The following DMXL2 variants were observed in gnomAD, a reference collection of about 807,000 sequenced individuals.
DMXL2 encodes the protein dmX-like protein 2.
In DMXL2, 103 loss-of-function variants were observed where a neutral mutation model predicts 331.1. The ratio of observed to expected loss-of-function variants is 0.31; its 90% confidence interval spans 0.27 to 0.37. The LOEUF is 0.37. Among genes scored for constraint, DMXL2 ranks in the 10% least tolerant of loss-of-function variants. The pLI is 1.00. For synonymous variants in DMXL2, 1,281 were observed against 1,252.1 expected (o/e 1.02, Z -0.49); for missense variants, 3,171 against 3,642.9 (o/e 0.87, Z 3.33).
At chr15:51,533,354 AG>A (rs1464576879) in intron 13 of DMXL2, among the ~76,000 whole-genome samples, 1 of 152,100 alleles carries the variant, frequency 6.6e-6, no homozygotes, top group Non-Finnish European at 1.5e-5. Flanking sequence ...TATTATTTGA[AG>A]GTAGACTATG....
chr15:51,579,920 A>G (rs2051293888), intron 1 of DMXL2, among the ~76,000 whole-genome samples: 1 of 152,188 alleles, frequency 6.6e-6, no homozygotes, highest in South Asian at 2.1e-4. Flanking sequence ...GCTTTTGAAG[A>G]CAGAGAAGCT....
At chr15:51,459,042 A>G in intron 34 of DMXL2, 1 of 445,738 alleles carries the variant, frequency 2.2e-6, no homozygotes, top group Non-Finnish European at 4.0e-6. Context: ...GATTAATTAT[A>G]AAACATGGCT....
At chr15:51,492,497 GT>G (rs143343434) in intron 19 of DMXL2, among the ~76,000 whole-genome samples, 2 of 151,128 alleles carry the variant, frequency 1.3e-5, no homozygotes, top group Admixed American at 6.6e-5. Context: ...GGGTTTGTTT[GT>G]TTTTTTTTAC....
chr15:51,611,585 T>C (rs1016918112), intron 1 of DMXL2, among the ~76,000 whole-genome samples: 4 of 152,186 alleles, frequency 2.6e-5, no homozygotes, highest in African/African-American at 9.7e-5. Flanking sequence ...ACTTTTTACA[T>C]CTTGCGGGGT....
intron 3 of DMXL2, among the ~76,000 whole-genome samples, chr15:51,566,236 T>G (rs1440163210): frequency 8.5e-3 from 25 of 2,950 alleles, no homozygotes; most frequent in African/African-American, 0.015. Context: ...GTGTGGGGTG[T>G]GTGTGTGTGT....
chr15:51,571,137 T>C (rs2050642243), intron 2 of DMXL2, among the ~76,000 whole-genome samples: 1 of 152,170 alleles, frequency 6.6e-6, no homozygotes, highest in African/African-American at 2.4e-5. Flanking sequence ...GTTGCAATCA[T>C]AGTCTCTGAT....
At chr15:51,528,699 T>C (rs1304162759) in intron 13 of DMXL2, among the ~76,000 whole-genome samples, 3 of 152,262 alleles carry the variant, frequency 2.0e-5, no homozygotes, top group Middle Eastern at 3.4e-3. Flanking sequence ...CACTCAGAAT[T>C]GGACATATCT....
intron 42 of DMXL2, 35 bp from the exon 43 acceptor site, chr15:51,450,381 C>G (rs1166793999): frequency 1.3e-6 from 2 of 1,599,716 alleles, no homozygotes; most frequent in Non-Finnish European, 1.7e-6. Context: ...TTTCTCAAAA[C>G]AATTTCTTGT....
chr15:51,556,748 G>A (rs929765882), intron 6 of DMXL2, among the ~76,000 whole-genome samples: 3 of 151,972 alleles, frequency 2.0e-5, no homozygotes, highest in Non-Finnish European at 4.4e-5. Flanking sequence ...CTCCAGCCTG[G>A]GTGACAGAGC....
At chr15:51,474,904 A>G (rs2140329467) in intron 27 of DMXL2, among the ~76,000 whole-genome samples, 1 of 152,236 alleles carries the variant, frequency 6.6e-6, no homozygotes, top group East Asian at 1.9e-4. Context: ...GTAACCCCAC[A>G]GTAATACCTG....
chr15:51,505,322 A>T (rs1419343841), intron 16 of DMXL2, among the ~76,000 whole-genome samples: 1 of 152,252 alleles, frequency 6.6e-6, no homozygotes, highest in African/African-American at 2.4e-5. Context: ...CTGCTGTCAC[A>T]AACAGGGTAG....
chr15:51,471,851 G>T (rs1024046631), intron 28 of DMXL2, among the ~76,000 whole-genome samples: 2 of 152,154 alleles, frequency 1.3e-5, no homozygotes, highest in African/African-American at 2.4e-5. Context: ...GGTAAATGAG[G>T]AGTAAATTAC....
chr15:51,524,179 G>A (rs1567066480), intron 13 of DMXL2, among the ~76,000 whole-genome samples: 1 of 152,202 alleles, frequency 6.6e-6, no homozygotes, highest in African/African-American at 2.4e-5. Flanking sequence ...GTAACAGGAC[G>A]CTTGGAAGCT....
At chr15:51,514,302 A>C (rs2140639404) in intron 15 of DMXL2, 140 bp downstream of exon 15, 1 of 559,996 alleles carries the variant, frequency 1.8e-6, no homozygotes, top group South Asian at 2.9e-5. Context: ...ATCTACAAGC[A>C]AGCAATTTTG....
At chr15:51,597,920 G>A (rs1327503301) in intron 1 of DMXL2, among the ~76,000 whole-genome samples, 3 of 151,910 alleles carry the variant, frequency 2.0e-5, no homozygotes, top group Admixed American at 6.6e-5. Flanking sequence ...AATATTTACC[G>A]GTCATTTAGA....
At position 51,538,278 on chromosome 15, in the gene DMXL2, T is replaced by C. The variant is rs751020293; in HGVS notation, c.1280A>G (p.Asp427Gly). 1.2e-5 allele frequency: 20 copies of C among 1,613,770 alleles called. No homozygotes were observed. Among genetic ancestry groups the C allele is most frequent in the Middle Eastern group, 1.6e-4 (1 of 6,080 alleles). The change falls in exon 10 of 44, where the codon GAT (aspartate) becomes GGT (glycine). Residue 427 changes from aspartate (D) to glycine (G), a missense_variant. Physicochemically the swap from Asp to Gly is moderately conservative, Grantham distance 94. Around this residue, in one of 7 missense-constraint regions of DMXL2, gnomAD observed 1,674 missense variants for 1,780.2 expected, o/e 0.94. Coordinates refer to ENST00000560891, the MANE Select transcript of DMXL2 (RefSeq NM_001378457.1). ...KQVDHENDDA[D>G]REDEEHSQED... Reference sequence around the variant, plus strand: ...CTGTGAATGTTCCTCATCTTCTCTATCTGCATCATCATTTTCATGATCTAC... The same window carrying C: ...CTGTGAATGTTCCTCATCTTCTCTACCTGCATCATCATTTTCATGATCTAC...
At position 51,517,276 on chromosome 15, in the gene DMXL2, C is replaced by T. The variant is rs1283326634; in HGVS notation, c.2437-109G>A. On this transcript the variant is annotated intron_variant, in intron 13 of 43. Coordinates refer to ENST00000560891, the MANE Select transcript of DMXL2 (RefSeq NM_001378457.1). ...CCCCCTCTAAATATTCACTGATTGG[C>T]AATGGAATGTAATACATTCAAAGAA... 6.8e-6 allele frequency: 5 copies of T among 736,194 alleles called. No individual in the cohort carries two copies. In the East Asian group the frequency reaches 1.3e-4, roughly 19 times the overall value. The allele number at this position is 736,194 out of a possible 1,614,324, so 45.6% of individuals were successfully genotyped here.
At chr15:51,549,644 T>C (rs996112123) in intron 6 of DMXL2, among the ~76,000 whole-genome samples, 11 of 152,168 alleles carry the variant, frequency 7.2e-5, no homozygotes, top group Non-Finnish European at 1.5e-4. Flanking sequence ...TTTTTGATTA[T>C]GGCCATTCTT....
chr15:51,459,744 G>C, intron 33 of DMXL2, 84 bp from the exon 34 acceptor site: 1 of 1,273,458 alleles, frequency 7.9e-7, no homozygotes. Flanking sequence ...AAGCTGAAAT[G>C]GCCACTCCAC....
Sources: allele counts gnomAD v4.1 joint callset (sites outside exome capture counted in the v4.1 genomes callset), GRCh38; gene constraint gnomAD v4.1.1; regional missense constraint gnomAD v4.1.1; transcripts MANE v1.5; gene names NCBI Gene and HGNC (gene_info 2026-07-23, HGNC 2026-07-21).